Variants in DOK5 observed in about 807,000 individuals in gnomAD.
The protein encoded by DOK5 is docking protein 5, also known as downstream of tyrosine kinase 5.
A neutral mutation model predicts 43.3 loss-of-function variants in DOK5; 27 were observed. The observed-to-expected ratio is 0.62, with a 90% CI of 0.46 to 0.86. DOK5 has a LOEUF of 0.86. Among genes scored for constraint, DOK5 ranks in the 40% least tolerant of loss-of-function variants. The probability of loss-of-function intolerance (pLI) is 0.00; values close to 1 mark genes in which losing one functional copy is unlikely to be tolerated. For synonymous variants in DOK5, 146 were observed against 140.1 expected (o/e 1.04, Z -0.30); for missense variants, 373 against 392.9 (o/e 0.95, Z 0.43).
intron 2 of DOK5, among the ~76,000 whole-genome samples, chr20:54,564,428 C>CA (rs1031670202): frequency 3.0e-4 from 45 of 151,632 alleles, no homozygotes; most frequent in South Asian, 1.0e-3. Context: ...AAGACTCCGT[C>CA]AAAAAAAAGA....
rs181646996 is a variant in DOK5 at position 54,635,892 on chromosome 20, T to C, written c.736-7566T>C. Among the ~76,000 whole-genome samples, 5 of 152,358 alleles carry C rather than the reference T, an allele frequency of 3.3e-5. No individual in the cohort carries two copies. The East Asian group carries it at 9.6e-4, about 29-fold the overall frequency. On this transcript the variant is annotated intron_variant, in intron 6 of 7. Transcript: ENST00000262593. Reference sequence around the variant, plus strand: ...ATATCTTAGTTTATTTTTACGGCTATAACAGAATACCAAAGACTGGGTAAT... The same window carrying C: ...ATATCTTAGTTTATTTTTACGGCTACAACAGAATACCAAAGACTGGGTAAT...
chr20:54,625,256 C>A (rs1987099644), intron 6 of DOK5, among the ~76,000 whole-genome samples: 2 of 152,138 alleles, frequency 1.3e-5, no homozygotes, highest in South Asian at 4.1e-4. Flanking sequence ...TCGGGGAAGA[C>A]CACATGTTTG....
chr20:54,646,713 C>G (rs1979448144), intron 7 of DOK5, among the ~76,000 whole-genome samples: 1 of 152,108 alleles, frequency 6.6e-6, no homozygotes, highest in East Asian at 1.9e-4. Context: ...CCTACCTTCC[C>G]TCTCCCCTAC....
At chr20:54,544,767 G>T (rs963985947) in intron 1 of DOK5, among the ~76,000 whole-genome samples, 1 of 152,158 alleles carries the variant, frequency 6.6e-6, no homozygotes, top group African/African-American at 2.4e-5. Context: ...GGGGGCCACA[G>T]GATCAGTTGA....
chr20:54,543,541 C>CTGTGTGTGTGTGTGTGTG (rs74179284), intron 1 of DOK5, among the ~76,000 whole-genome samples: 2 of 143,562 alleles, frequency 1.4e-5, no homozygotes, highest in East Asian at 4.1e-4. Flanking sequence ...CCTAGAATTG[C>CTGTGTGTGTGTGTGTGTG]TGTGTGTGTG....
At chr20:54,508,055 C>T (rs1368878456) in intron 1 of DOK5, among the ~76,000 whole-genome samples, 3 of 152,072 alleles carry the variant, frequency 2.0e-5, no homozygotes, top group East Asian at 1.9e-4. Context: ...TTTAGAAGCT[C>T]GAAGATGGCT....
chr20:54,574,132 T>G (rs925184891), intron 2 of DOK5, among the ~76,000 whole-genome samples: 4 of 152,060 alleles, frequency 2.6e-5, no homozygotes, highest in African/African-American at 9.7e-5. Context: ...CAAGTCTCTG[T>G]TGAAGGAAGG....
rs147972837 is a variant in DOK5, at chr20:54,623,610, C to T, written c.735+13087C>T. ...TTTTTATTTTTCTGAGATGGAGTGTCGCTCTGTCGCCCAGGCTGGAGTACA... is the reference window on the plus strand; with the variant it reads ...TTTTTATTTTTCTGAGATGGAGTGTTGCTCTGTCGCCCAGGCTGGAGTACA... On this transcript the variant is annotated intron_variant, in intron 6 of 7. Coordinates refer to ENST00000262593, the MANE Select transcript of DOK5 (RefSeq NM_018431.5). Among the ~76,000 whole-genome samples the T allele has an allele frequency of 1.4e-4, 21 of 152,058 alleles. No individual in the cohort carries two copies. The East Asian group carries it at 3.5e-3, about 25-fold the overall frequency.
intron 1 of DOK5, among the ~76,000 whole-genome samples, chr20:54,484,416 T>C (rs1292906854): frequency 6.6e-6 from 1 of 152,138 alleles, no homozygotes; most frequent in Non-Finnish European, 1.5e-5. Context: ...TTCATTATTT[T>C]AATTGAAGTT....
At chr20:54,600,223 T>C (rs142821754) in intron 5 of DOK5, among the ~76,000 whole-genome samples, 1 of 152,116 alleles carries the variant, frequency 6.6e-6, no homozygotes, top group South Asian at 2.1e-4. Flanking sequence ...CAGGTGGAGA[T>C]GCAGCGGGGT....
chr20:54,563,262 C>G (rs548363823), intron 2 of DOK5, among the ~76,000 whole-genome samples: 3 of 152,268 alleles, frequency 2.0e-5, no homozygotes, highest in Non-Finnish European at 2.9e-5. Flanking sequence ...TACTGCAACC[C>G]TACTCTAGGA....
intron 1 of DOK5, among the ~76,000 whole-genome samples, chr20:54,488,096 T>C (rs1982013251): frequency 6.6e-6 from 1 of 152,222 alleles, no homozygotes; most frequent in Non-Finnish European, 1.5e-5. Context: ...CAGGTTTCTG[T>C]CTACCAAAGT....
At chr20:54,530,417 T>C (rs1286334533) in intron 1 of DOK5, among the ~76,000 whole-genome samples, 1 of 152,192 alleles carries the variant, frequency 6.6e-6, no homozygotes, top group Non-Finnish European at 1.5e-5. Context: ...CCTACCCTTG[T>C]CTTGATCTAC....
At chr20:54,641,451 G>C (rs1445836880) in intron 6 of DOK5, among the ~76,000 whole-genome samples, 1 of 151,746 alleles carries the variant, frequency 6.6e-6, no homozygotes, top group African/African-American at 2.4e-5. Flanking sequence ...CCATGCTGAG[G>C]GGATGTGTAC....
chr20:54,508,923 C>T (rs1189303546), intron 1 of DOK5, among the ~76,000 whole-genome samples: 1 of 151,494 alleles, frequency 6.6e-6, no homozygotes, highest in Non-Finnish European at 1.5e-5. Context: ...CTCACCCAGG[C>T]TTAAGTGCAG....
At chr20:54,483,341 T>G (rs896215673) in intron 1 of DOK5, among the ~76,000 whole-genome samples, 2 of 152,240 alleles carry the variant, frequency 1.3e-5, no homozygotes, top group Non-Finnish European at 2.9e-5. Context: ...TAGTTTTCAT[T>G]GGAATATATT....
At chr20:54,622,772 G>A (rs527805519) in intron 6 of DOK5, among the ~76,000 whole-genome samples, 5 of 152,248 alleles carry the variant, frequency 3.3e-5, no homozygotes, top group East Asian at 3.9e-4. Context: ...CTGCTTGACC[G>A]TGTGGGCGGT....
chr20:54,593,315 A>C (rs186139746), intron 5 of DOK5, among the ~76,000 whole-genome samples: 143 of 152,214 alleles, frequency 9.4e-4, no homozygotes, highest in African/African-American at 3.3e-3. Context: ...TAAAATTTAC[A>C]TTTCAGAAAT....
rs139755356 is a variant in DOK5, at chr20:54,513,788, A to T, written c.66+37776A>T. Among the ~76,000 whole-genome samples the T allele has an allele frequency of 3.3e-3, 500 of 152,354 alleles. 3 individuals carry two copies. The highest frequency in any genetic ancestry group is 0.011 in the African/African-American group (476 of 41,580). On this transcript the variant is annotated intron_variant, in intron 1 of 7. Transcript: ENST00000262593. Reference sequence around the variant, plus strand: ...AAAAAAGAAAACACAATTATTTTTCAGGAGAAGAATTTTGAATAAATGAAT... The same window carrying T: ...AAAAAAGAAAACACAATTATTTTTCTGGAGAAGAATTTTGAATAAATGAAT...
Sources: gnomAD v4.1 joint callset for allele counts (sites outside exome capture counted in the v4.1 genomes callset) on GRCh38, gnomAD v4.1.1 for gene constraint, MANE v1.5 for transcripts, NCBI Gene and HGNC (gene_info 2026-07-23, HGNC 2026-07-21) for gene names.